The following MYO1E variants were observed in gnomAD, a reference collection of about 807,000 sequenced individuals.
MYO1E encodes the protein myosin IE, also known as unconventional myosin-Ie.
In MYO1E, 68 loss-of-function variants were observed where a neutral mutation model predicts 151.1. The observed-to-expected ratio is 0.45, with a 90% CI of 0.37 to 0.55. MYO1E has a LOEUF of 0.55. Among genes scored for constraint, MYO1E ranks in the 20% least tolerant of loss-of-function variants. MYO1E has a pLI of 0.00. For synonymous variants in MYO1E, 601 were observed against 501.7 expected (o/e 1.20, Z -2.64); for missense variants, 1,363 against 1,389.3 (o/e 0.98, Z 0.30).
intron 26 of MYO1E, among the ~76,000 whole-genome samples, chr15:59,149,766 G>C (rs777245825): frequency 1.3e-5 from 2 of 152,186 alleles, no homozygotes; most frequent in Non-Finnish European, 2.9e-5. Context: ...GATAAACTCA[G>C]AATGTGAAAG....
intron 1 of MYO1E, among the ~76,000 whole-genome samples, chr15:59,334,387 G>A (rs1030064349): frequency 6.6e-6 from 1 of 151,968 alleles, no homozygotes; most frequent in Non-Finnish European, 1.5e-5. Context: ...TTATCCTGAT[G>A]TGATTATTAT....
At position 59,236,657 on chromosome 15, in the gene MYO1E, A is replaced by C. The variant is rs754936312; in HGVS notation, c.348T>G (p.Ala116=). ...QCVIISGESG[A]GKTVAAKYIM... is the part of the protein sequence containing the mutation. Reference sequence around the variant, plus strand: ...TATATTTGGCAGCCACTGTTTTTCCAGCACCACTTTCACCACTAAAGAAAG... The same window carrying C: ...TATATTTGGCAGCCACTGTTTTTCCCGCACCACTTTCACCACTAAAGAAAG... The change falls in exon 5 of 28, where the codon GCT becomes GCG. Residue 116 remains alanine, a synonymous_variant. Coordinates refer to ENST00000288235, the MANE Select transcript of MYO1E (RefSeq NM_004998.4). 2 of 1,613,850 alleles carry C rather than the reference A, an allele frequency of 1.2e-6. No individual in the cohort carries two copies. The highest frequency in any genetic ancestry group is 2.2e-5 in the South Asian group (2 of 91,080).
At chr15:59,290,255 T>C (rs754499948) in intron 1 of MYO1E, among the ~76,000 whole-genome samples, 37 of 152,094 alleles carry the variant, frequency 2.4e-4, no homozygotes, top group Non-Finnish European at 4.0e-4. Context: ...TCGGTGAAAA[T>C]ATCTCACGGG....
At chr15:59,218,218 A>G in intron 9 of MYO1E, 131 bp from the exon 10 acceptor site, 1 of 1,043,828 alleles carries the variant, frequency 9.6e-7, no homozygotes. Flanking sequence ...ACGGGCCCCA[A>G]GAGCTTACGT....
At chr15:59,148,696 C>T (rs2079456504) in intron 26 of MYO1E, among the ~76,000 whole-genome samples, 1 of 152,144 alleles carries the variant, frequency 6.6e-6, no homozygotes, top group African/African-American at 2.4e-5. Context: ...AAATATGACT[C>T]CATTGGGAGG....
chr15:59,346,005 T>C (rs2080792110), intron 1 of MYO1E, among the ~76,000 whole-genome samples: 1 of 152,354 alleles, frequency 6.6e-6, no homozygotes, highest in Non-Finnish European at 1.5e-5. Flanking sequence ...TGTGAGTGAA[T>C]ATCACTTTAT....
intron 2 of MYO1E, among the ~76,000 whole-genome samples, chr15:59,265,184 G>C (rs2080246047): frequency 6.6e-6 from 1 of 152,150 alleles, no homozygotes; most frequent in Non-Finnish European, 1.5e-5. Context: ...AGGCAAATAA[G>C]CTCCTTCCAT....
At chr15:59,303,982 C>CTTTTTTTTTTTTTTT (rs35196401) in intron 1 of MYO1E, among the ~76,000 whole-genome samples, 1 of 132,654 alleles carries the variant, frequency 7.5e-6, no homozygotes, top group Non-Finnish European at 1.6e-5. Context: ...TCTTTTCTTT[C>CTTTTTTTTTTTTTTT]TTTTTTTTTT....
chr15:59,178,884 A>G (rs1175249607), intron 18 of MYO1E, among the ~76,000 whole-genome samples: 1 of 152,196 alleles, frequency 6.6e-6, no homozygotes, highest in Non-Finnish European at 1.5e-5. Context: ...TCTTGTCTCA[A>G]TAATCATCTC....
chr15:59,203,893 C>A (rs1016686966), intron 15 of MYO1E, among the ~76,000 whole-genome samples: 1 of 152,168 alleles, frequency 6.6e-6, no homozygotes, highest in Admixed American at 6.5e-5. Context: ...CTCACTTCCT[C>A]CTCAATGACT....
chr15:59,200,496 C>T (rs2079794574), intron 16 of MYO1E, among the ~76,000 whole-genome samples: 1 of 152,058 alleles, frequency 6.6e-6, no homozygotes, highest in Admixed American at 6.5e-5. Flanking sequence ...TACCCTACAG[C>T]TGAAAGCCCA....
chr15:59,202,726 T>G (rs1487881299), intron 15 of MYO1E, among the ~76,000 whole-genome samples: 1 of 151,394 alleles, frequency 6.6e-6, no homozygotes, highest in African/African-American at 2.4e-5. Context: ...CAGAGGGAGG[T>G]CAGTAGGGGA....
chr15:59,296,142 A>C (rs1296070367), intron 1 of MYO1E, among the ~76,000 whole-genome samples: 1 of 152,212 alleles, frequency 6.6e-6, no homozygotes, highest in Non-Finnish European at 1.5e-5. Flanking sequence ...CAAAATTATC[A>C]AGGCATAGAA....
intron 1 of MYO1E, among the ~76,000 whole-genome samples, chr15:59,332,333 G>A (rs556549651): frequency 2.0e-5 from 3 of 152,308 alleles, no homozygotes; most frequent in Admixed American, 1.3e-4. Flanking sequence ...CCGATTTAAC[G>A]GGAAGGAATC....
At chr15:59,231,820 G>T in intron 5 of MYO1E, 29 bp from the exon 6 acceptor site, 1 of 1,609,802 alleles carries the variant, frequency 6.2e-7, no homozygotes, top group East Asian at 2.2e-5. Flanking sequence ...CGGAGGTTAG[G>T]AAGGTGTGAA....
intron 2 of MYO1E, among the ~76,000 whole-genome samples, chr15:59,268,720 A>ATTTTTTTTTTTGTTT (rs2080271680): frequency 2.2e-5 from 1 of 44,906 alleles, no homozygotes. Context: ...TGACTTTGGT[A>ATTTTTTTTTTTGTTT]TTTTTTTTTT....
At chr15:59,221,843 T>C (rs1458012526) in intron 9 of MYO1E, among the ~76,000 whole-genome samples, 2 of 152,204 alleles carry the variant, frequency 1.3e-5, no homozygotes, top group African/African-American at 4.8e-5. Context: ...ATTATTTTAC[T>C]ATCCAAGAAG....
intron 26 of MYO1E, among the ~76,000 whole-genome samples, chr15:59,139,275 TTATTAC>T (rs2079393617): frequency 1.2e-5 from 1 of 85,470 alleles, no homozygotes; most frequent in Non-Finnish European, 3.3e-5. Flanking sequence ...CACCCCCTCA[TTATTAC>T]TCCTCAGGCT....
chr15:59,209,365 T>C (rs1449269444), intron 13 of MYO1E, among the ~76,000 whole-genome samples: 3 of 152,166 alleles, frequency 2.0e-5, no homozygotes, highest in Non-Finnish European at 4.4e-5. Context: ...TGTTCTGATA[T>C]GCTATAGTTT....
Sources: allele counts gnomAD v4.1 joint callset (sites outside exome capture counted in the v4.1 genomes callset), GRCh38; gene constraint gnomAD v4.1.1; transcripts MANE v1.5; gene names NCBI Gene and HGNC (gene_info 2026-07-23, HGNC 2026-07-21).